Variants in NBEA observed in about 807,000 individuals in gnomAD.
NBEA encodes lysosomal-trafficking regulator 2.
Under a neutral mutation model 343.4 loss-of-function variants are expected in NBEA, and 44 were observed. That is an observed-to-expected ratio of 0.13 (90% CI 0.10 to 0.16). The LOEUF (loss-of-function observed/expected upper bound fraction) is 0.16, where lower values mean the gene tolerates loss of function less well. Among genes scored for constraint, NBEA ranks in the 10% least tolerant of loss-of-function variants. The pLI is 1.00. For missense variants in NBEA, 2,555 were observed against 3,631.3 expected (o/e 0.70, Z 7.62); for synonymous variants, 1,175 against 1,238.7 (o/e 0.95, Z 1.08).
At chr13:35,223,422 T>C (rs1816049578) in intron 33 of NBEA, among the ~76,000 whole-genome samples, 1 of 152,188 alleles carries the variant, frequency 6.6e-6, no homozygotes, top group Non-Finnish European at 1.5e-5. Context: ...ATTGTGGACT[T>C]ATGTAATTTT....
chr13:35,476,597 A>C, intron 41 of NBEA: 1 of 524,584 alleles, frequency 1.9e-6, no homozygotes, highest in Non-Finnish European at 3.5e-6. Context: ...TGTGTGCAGC[A>C]CTGTTAATCA....
At chr13:35,483,292 A>G (rs539838442) in intron 41 of NBEA, among the ~76,000 whole-genome samples, 1 of 152,050 alleles carries the variant, frequency 6.6e-6, no homozygotes, top group South Asian at 2.1e-4. Context: ...TTCTCATATA[A>G]GTTAGCAACA....
At chr13:34,970,559 A>G (rs979469366) in intron 1 of NBEA, among the ~76,000 whole-genome samples, 2 of 152,156 alleles carry the variant, frequency 1.3e-5, no homozygotes, top group African/African-American at 4.8e-5. Context: ...ATTTTTGTAT[A>G]TGGTAAAAGG....
intron 34 of NBEA, among the ~76,000 whole-genome samples, chr13:35,267,553 C>G (rs1211415965): frequency 6.6e-6 from 1 of 151,522 alleles, no homozygotes; most frequent in East Asian, 1.9e-4. Flanking sequence ...ACATTATCAA[C>G]AGAGTAAAAA....
At chr13:35,073,489 C>G (rs1428046087) in intron 10 of NBEA, among the ~76,000 whole-genome samples, 3 of 152,154 alleles carry the variant, frequency 2.0e-5, no homozygotes, top group South Asian at 4.1e-4. Context: ...CTCTGTGTTT[C>G]AAGCTGAAGC....
intron 49 of NBEA, among the ~76,000 whole-genome samples, chr13:35,635,730 G>A (rs560708850): frequency 1.3e-5 from 2 of 152,056 alleles, no homozygotes; most frequent in Non-Finnish European, 2.9e-5. Flanking sequence ...TGATGAATAA[G>A]GTTTTAATAT....
chr13:35,264,586 G>T (rs967305290), intron 34 of NBEA, among the ~76,000 whole-genome samples: 1 of 123,384 alleles, frequency 8.1e-6, no homozygotes, highest in Admixed American at 8.8e-5. Context: ...TGCAGGGATA[G>T]TTCAACATAC....
chr13:35,078,107 C>T (rs751304279), intron 10 of NBEA, among the ~76,000 whole-genome samples: 11 of 152,136 alleles, frequency 7.2e-5, no homozygotes, highest in Non-Finnish European at 1.6e-4. Context: ...ATCTGGCTTT[C>T]AGCTTCAGAA....
chr13:35,427,012 G>T (rs575757449), intron 38 of NBEA, among the ~76,000 whole-genome samples: 13 of 152,220 alleles, frequency 8.5e-5, no homozygotes, highest in African/African-American at 3.1e-4. Flanking sequence ...CTCTGCATTG[G>T]TTATTCTAGT....
chr13:35,552,969 C>G (rs1594953859), intron 43 of NBEA, among the ~76,000 whole-genome samples: 2 of 152,130 alleles, frequency 1.3e-5, no homozygotes, highest in South Asian at 4.2e-4. Context: ...CAGCTCACCG[C>G]AGCCTTGATG....
At chr13:35,031,726 G>T (rs1292193491) in intron 1 of NBEA, among the ~76,000 whole-genome samples, 2 of 151,396 alleles carry the variant, frequency 1.3e-5, no homozygotes, top group East Asian at 3.9e-4. Flanking sequence ...GTGCTGTACA[G>T]ATTATTTAAT....
intron 39 of NBEA, 117 bp from the exon 40 acceptor site, chr13:35,451,975 G>A: frequency 1.3e-6 from 1 of 763,512 alleles, no homozygotes; most frequent in South Asian, 2.0e-5. Flanking sequence ...TTCTGTAATT[G>A]TAAAGTAATA....
At chr13:35,399,587 G>C (rs773442542) in intron 38 of NBEA, among the ~76,000 whole-genome samples, 6 of 152,122 alleles carry the variant, frequency 3.9e-5, no homozygotes, top group Non-Finnish European at 5.9e-5. Context: ...TTGGAGATGA[G>C]ATTTAAGTGG....
chr13:35,259,066 T>C (rs1446972344), intron 34 of NBEA, among the ~76,000 whole-genome samples: 2 of 152,198 alleles, frequency 1.3e-5, no homozygotes, highest in South Asian at 2.1e-4. Context: ...CCATTTTAAG[T>C]CAAGCAGCAT....
intron 35 of NBEA, among the ~76,000 whole-genome samples, chr13:35,308,325 A>G (rs2037037737): frequency 6.7e-6 from 1 of 150,346 alleles, no homozygotes; most frequent in Non-Finnish European, 1.5e-5. Flanking sequence ...GAGGAGGGCC[A>G]TGACTGGTCA....
chr13:35,586,109 T>C (rs866279502), intron 46 of NBEA, among the ~76,000 whole-genome samples: 1 of 152,190 alleles, frequency 6.6e-6, no homozygotes, highest in African/African-American at 2.4e-5. Context: ...CTCTATTGTA[T>C]GGGGCTGATG....
At chr13:35,574,667 C>G (rs746566567) in intron 45 of NBEA, among the ~76,000 whole-genome samples, 28 of 151,972 alleles carry the variant, frequency 1.8e-4, no homozygotes, top group Non-Finnish European at 3.4e-4. Flanking sequence ...AGGAGGATTG[C>G]TTGAGGCCAG....
chr13:34,963,655 C>G (rs920152917), intron 1 of NBEA, among the ~76,000 whole-genome samples: 1 of 151,758 alleles, frequency 6.6e-6, no homozygotes, highest in Admixed American at 6.6e-5. Context: ...AAACCCATTG[C>G]TTTTTTACTT....
At chr13:35,628,322 T>C (rs1566430799) in intron 49 of NBEA, 74 bp downstream of exon 49, 1 of 1,150,170 alleles carries the variant, frequency 8.7e-7, no homozygotes, top group Non-Finnish European at 1.2e-6. Context: ...TTCATCTCTT[T>C]CTGTATAATT....
Sources: gnomAD v4.1 joint callset for allele counts (sites outside exome capture counted in the v4.1 genomes callset) on GRCh38, gnomAD v4.1.1 for gene constraint, MANE v1.5 for transcripts, NCBI Gene and HGNC (gene_info 2026-07-23, HGNC 2026-07-21) for gene names.